LRP8: variants seen among roughly 807,000 people sequenced by gnomAD.
The protein encoded by LRP8 is low-density lipoprotein receptor-related protein 8.
In LRP8, 46 loss-of-function variants were observed where a neutral mutation model predicts 111.6. That is an observed-to-expected ratio of 0.41 (90% confidence interval 0.33 to 0.53). The LOEUF (loss-of-function observed/expected upper bound fraction) is 0.53. Among genes scored for constraint, LRP8 ranks in the 20% least tolerant of loss-of-function variants. The probability of loss-of-function intolerance (pLI) is 0.20; values close to 1 mark genes in which losing one functional copy is unlikely to be tolerated. For synonymous variants in LRP8, 464 were observed against 511.2 expected (o/e 0.91, Z 1.24); for missense variants, 959 against 1,297.4 (o/e 0.74, Z 4.01).
intron 5 of LRP8, 64 bp downstream of exon 5, chr1:53,276,628 G>A: frequency 2.2e-6 from 3 of 1,339,600 alleles, no homozygotes; most frequent in Non-Finnish European, 2.0e-6. Flanking sequence ...GCACCTGGCG[G>A]ATCCGGATCG....
At chr1:53,312,617 C>T (rs1032243400) in intron 2 of LRP8, among the ~76,000 whole-genome samples, 2 of 152,162 alleles carry the variant, frequency 1.3e-5, no homozygotes, top group Non-Finnish European at 2.9e-5. Context: ...CTCAGCCTCC[C>T]GAAAATTCTG....
chr1:53,325,264 C>G (rs780830158), intron 2 of LRP8, among the ~76,000 whole-genome samples: 1 of 152,238 alleles, frequency 6.6e-6, no homozygotes, highest in African/African-American at 2.4e-5. Flanking sequence ...TCCTACTTAA[C>G]AACTCAGTAG....
intron 2 of LRP8, among the ~76,000 whole-genome samples, chr1:53,304,234 G>A (rs573512591): frequency 2.0e-5 from 3 of 152,296 alleles, no homozygotes; most frequent in African/African-American, 7.2e-5. Flanking sequence ...TGTGGCCCAG[G>A]GCTCATCTGG....
chr1:53,276,231 CTCAGATGGGGACA>C (rs1248839655), intron 5 of LRP8, among the ~76,000 whole-genome samples: 2 of 152,062 alleles, frequency 1.3e-5, no homozygotes, highest in African/African-American at 4.8e-5. Flanking sequence ...GTGAGGAATG[CTCAGATGGGGACA>C]TCAGTGTGAG....
At chr1:53,278,644 T>A (rs1199225823) in intron 4 of LRP8, among the ~76,000 whole-genome samples, 1 of 151,958 alleles carries the variant, frequency 6.6e-6, no homozygotes, top group Admixed American at 6.6e-5. Context: ...CCACTGCCCC[T>A]CAATATTACG....
intron 14 of LRP8, chr1:53,257,963 A>G (rs1646165664): frequency 9.5e-6 from 2 of 211,506 alleles, no homozygotes; most frequent in South Asian, 9.3e-5. Flanking sequence ...AGTGTTTGTT[A>G]AGTTCTAGGT....
Position 53,276,897 on chromosome 1 carries a change from C to G in LRP8, c.678G>C (p.Trp226Cys). 1 of 1,426,278 alleles carries G rather than the reference C, an allele frequency of 7.0e-7. No homozygotes were observed. Among genetic ancestry groups the G allele is most frequent in the Non-Finnish European group, 9.2e-7 (1 of 1,092,354 alleles). The allele number at this position is 1,426,278 out of a possible 1,614,324, so 88.4% of individuals were successfully genotyped here. ...CGCAGTCAAACTGGCGGTCGCAGAC[C>G]CAGCGCTCCGGGATGCAGGCGCCGC... ...DGGGACIPER[W>C]VCDRQFDCED... The change falls in exon 5 of 19, where the codon TGG becomes TGC. Residue 226 changes from tryptophan to cysteine, a missense_variant. Trp to Cys is a radical substitution (Grantham distance 215, BLOSUM62 -2). Around this residue, in one of 3 missense-constraint regions of LRP8, gnomAD observed 819 missense variants for 1,097.6 expected, o/e 0.75. Coordinates refer to ENST00000306052, the MANE Select transcript of LRP8 (RefSeq NM_004631.5).
In LRP8 at chr1:53,266,432, C is replaced by A; in HGVS notation, c.1427+41G>T. Reference sequence around the variant, plus strand: ...TCCTCACCTGTCACCACCCCTCACCCCCACTCTTCATGCCTTGCTGCAGAG... The same window carrying A: ...TCCTCACCTGTCACCACCCCTCACCACCACTCTTCATGCCTTGCTGCAGAG... On this transcript the variant is annotated intron_variant, in intron 9 of 18. Coordinates refer to ENST00000306052, the MANE Select transcript of LRP8 (RefSeq NM_004631.5). The surrounding 1 kb of genome is among the most constrained non-coding windows in gnomAD (Gnocchi z 5.0). 6.2e-7 allele frequency: 1 copy of A among 1,601,436 alleles called. No homozygotes were observed. Among genetic ancestry groups the A allele is most frequent in the Non-Finnish European group, 8.5e-7 (1 of 1,170,354 alleles).
chr1:53,274,700 C>G (rs1646862410), intron 6 of LRP8: 2 of 456,180 alleles, frequency 4.4e-6, no homozygotes, highest in Admixed American at 2.3e-5. Flanking sequence ...GGCACCGCAC[C>G]ACACTTTCAG....
chr1:53,262,024 C>A lies in LRP8; in HGVS notation c.1914+44G>T. 1 of 1,601,434 alleles carries A rather than the reference C, an allele frequency of 6.2e-7. No homozygotes were observed. Among genetic ancestry groups the A allele is most frequent in the Non-Finnish European group, 8.5e-7 (1 of 1,173,192 alleles). ...CCTATTTGAACAAGCATTTTCTAGGCTTCAGCTTCCTAGTGGGCCCTTGCC... is the reference window on the plus strand; with the variant it reads ...CCTATTTGAACAAGCATTTTCTAGGATTCAGCTTCCTAGTGGGCCCTTGCC... On this transcript the variant is annotated intron_variant, in intron 12 of 18. Transcript: ENST00000306052. This position sits in a 1 kb window ranked among gnomAD's most constrained non-coding sequence, Gnocchi z 4.8.
intron 16 of LRP8, among the ~76,000 whole-genome samples, chr1:53,251,597 A>C (rs779962590): frequency 1.2e-4 from 18 of 150,534 alleles, no homozygotes; most frequent in Non-Finnish European, 2.7e-4. Flanking sequence ...ATGATCACCT[A>C]TCTAGGATGC....
At position 53,326,915 on chromosome 1, in the gene LRP8, C is replaced by G. The variant is rs1352452647; in HGVS notation, c.202G>C (p.Glu68Gln). 6.2e-7 allele frequency: 1 copy of G among 1,613,978 alleles called. No individual in the cohort carries two copies. Among genetic ancestry groups the G allele is most frequent in the South Asian group, 1.1e-5 (1 of 91,082 alleles). Residue 68 changes from glutamate to glutamine, a missense_variant, in exon 2 of 19, where the codon GAG becomes CAG. Physicochemically the swap from Glu to Gln is conservative, Grantham distance 29 (BLOSUM62 2). Around this residue, in one of 3 missense-constraint regions of LRP8, gnomAD observed 97 missense variants for 107.5 expected, o/e 0.90. Coordinates refer to ENST00000306052, the MANE Select transcript of LRP8 (RefSeq NM_004631.5). ...RCIPSVWRCD[E>Q]DDDCLDHSDE... ...CTGTGGTCTAAGCAGTCATCGTCCT[C>G]GTCGCATCTCCACACAGAGGGGATG...
chr1:53,295,140 A>G (rs1004195962), intron 2 of LRP8, among the ~76,000 whole-genome samples: 5 of 152,210 alleles, frequency 3.3e-5, no homozygotes, highest in African/African-American at 1.2e-4. Context: ...TGTAGCCAGC[A>G]AGCCAGGCGA....
rs375106836 is a variant in LRP8 at position 53,249,499 on chromosome 1, C to G, written c.2734G>C (p.Glu912Gln). 3 of 1,613,422 alleles carry G rather than the reference C, an allele frequency of 1.9e-6. No homozygotes were observed. Among genetic ancestry groups the G allele is most frequent in the Non-Finnish European group, 2.5e-6 (3 of 1,179,394 alleles). The stretch of plus-strand genomic sequence containing the variant: ...AGGGCAGGGGCTGGGTCTTCCGGTT[C>G]TCTGGTCTCCCCAAGACAGGGCTCT... ...WAEPCLGETR[E>Q]PEDPAPALKE... Residue 912 changes from glutamate to glutamine, a missense_variant, in exon 18 of 19, where the codon GAA becomes CAA. Around this residue, in one of 3 missense-constraint regions of LRP8, gnomAD observed 819 missense variants for 1,097.6 expected, o/e 0.75. Coordinates refer to ENST00000306052, the MANE Select transcript of LRP8 (RefSeq NM_004631.5). The surrounding 1 kb of genome is among the most constrained non-coding windows in gnomAD (Gnocchi z 4.1).
At position 53,294,286 on chromosome 1, in the gene LRP8, A is replaced by G. The variant is rs2100475694; in HGVS notation, c.245-4597T>C. On this transcript the variant is annotated intron_variant, in intron 2 of 18. Coordinates refer to ENST00000306052, the MANE Select transcript of LRP8 (RefSeq NM_004631.5). This position sits in a 1 kb window ranked among gnomAD's most constrained non-coding sequence, Gnocchi z 4.1. ...CCATGGCAACAGATGGGCTGCCACAAAGGACTAGGGGATTCTAGGGGCAGT... is the reference window on the plus strand; with the variant it reads ...CCATGGCAACAGATGGGCTGCCACAGAGGACTAGGGGATTCTAGGGGCAGT... Among the ~76,000 whole-genome samples, 1 of 152,296 alleles carries G rather than the reference A, an allele frequency of 6.6e-6. No individual in the cohort carries two copies. The highest frequency in any genetic ancestry group is 1.9e-4 in the East Asian group (1 of 5,182).
At chr1:53,272,353 G>A (rs1646785054) in intron 6 of LRP8, among the ~76,000 whole-genome samples, 1 of 152,138 alleles carries the variant, frequency 6.6e-6, no homozygotes, top group Admixed American at 6.5e-5. Context: ...CAGGACCAAT[G>A]CTCTTACAGC....
chr1:53,284,963 A>C (rs1647330768), intron 3 of LRP8, among the ~76,000 whole-genome samples: 1 of 152,120 alleles, frequency 6.6e-6, no homozygotes, highest in Non-Finnish European at 1.5e-5. Flanking sequence ...CTGGAACCTC[A>C]CTGTCTCTCC....
At position 53,258,357 on chromosome 1, in the gene LRP8, G is replaced by A. The variant is rs1557756325; in HGVS notation, c.2171C>T (p.Thr724Ile). 1 of 1,614,176 alleles carries A rather than the reference G, an allele frequency of 6.2e-7. No homozygotes were observed. Among genetic ancestry groups the A allele is most frequent in the African/African-American group, 1.3e-5 (1 of 75,046 alleles). ...CTTCATGTCTGGACCCAGCCACATT[G>A]TGTCAGGACAGGCACATGTGTACTT... ...SPKYTCACPD[T>I]MWLGPDMKRC... Residue 724 changes from threonine to isoleucine, a missense_variant, in exon 14 of 19, where the codon ACA (threonine) becomes ATA (isoleucine). This residue lies in a region of LRP8 where 819 missense variants were observed against 1,097.6 expected (regional missense o/e 0.75). Coordinates refer to ENST00000306052, the MANE Select transcript of LRP8 (RefSeq NM_004631.5).
chr1:53,286,296 G>A (rs1217257793), intron 3 of LRP8, among the ~76,000 whole-genome samples: 1 of 152,216 alleles, frequency 6.6e-6, no homozygotes, highest in Non-Finnish European at 1.5e-5. Flanking sequence ...TGCTAGCTGG[G>A]TCAGTCCCTA....
Sources: gnomAD v4.1 joint callset for allele counts (sites outside exome capture counted in the v4.1 genomes callset) on GRCh38, gnomAD v4.1.1 for gene constraint, gnomAD v4.1.1 regional missense constraint, Gnocchi (gnomAD v3.1) non-coding constraint, MANE v1.5 for transcripts, NCBI Gene and HGNC (gene_info 2026-07-23, HGNC 2026-07-21) for gene names.